The following DIMT1 variants were observed in gnomAD, a reference collection of about 807,000 sequenced individuals.
The protein encoded by DIMT1 is DIM1 rRNA methyltransferase and ribosome maturation factor, also known as dimethyladenosine transferase.
A neutral mutation model predicts 43.2 loss-of-function variants in DIMT1; 36 were observed. The observed-to-expected ratio is 0.83, with a 90% confidence interval of 0.64 to 1.10. The LOEUF is 1.10. DIMT1 is among the 50% of genes least tolerant of loss of function. DIMT1 has a pLI of 0.00. For missense variants in DIMT1, 341 were observed against 385.3 expected, an observed-to-expected ratio of 0.88 and a Z score of 0.96; for synonymous variants, 126 against 130.3, an observed-to-expected ratio of 0.97 and a Z score of 0.22.
At position 62,387,445 on chromosome 5, in the gene DIMT1, A is replaced by G. The variant is rs922545212; in HGVS notation, c.*1565T>C. On this transcript the variant is annotated 3_prime_UTR_variant, in exon 12 of 12. Coordinates refer to ENST00000199320, the MANE Select transcript of DIMT1 (RefSeq NM_014473.4). ...GCTTCAAATTTATTATTTGCATTGG[A>G]TGGGTACTGTCTTTGGAAAGTCTCC... 5 of 152,178 alleles carry G rather than the reference A, an allele frequency of 3.3e-5. No individual in the cohort carries two copies. Among genetic ancestry groups the G allele is most frequent in the African/African-American group, 9.7e-5 (4 of 41,442 alleles). The allele number at this position is 152,178 out of a possible 1,614,324, so 9.4% of individuals were successfully genotyped here.
rs372615052 is a variant in DIMT1, at chr5:62,393,214, AT to A, written c.664-225del. Among the ~76,000 whole-genome samples, 135 of 151,448 alleles carry A rather than the reference AT, an allele frequency of 8.9e-4. 2 individuals carry two copies. The highest frequency in any genetic ancestry group is 3.0e-3 in the African/African-American group (123 of 41,310). On this transcript the variant is annotated intron_variant, in intron 8 of 11. Coordinates refer to ENST00000199320, the MANE Select transcript of DIMT1 (RefSeq NM_014473.4). Reference sequence around the variant, plus strand: ...TCACTGAATATGTCTTTTCCTCAGAATTTTTTTTTGACAAAGCATGACAATT... The same window carrying A: ...TCACTGAATATGTCTTTTCCTCAGAATTTTTTTTGACAAAGCATGACAATT...
At chr5:62,403,205 C>T in intron 2 of DIMT1, 68 bp downstream of exon 2, 1 of 1,389,704 alleles carries the variant, frequency 7.2e-7, no homozygotes. Context: ...AGACTTTCTG[C>T]GCTTATGTAT....
chr5:62,402,460 G>C (rs1742741138), intron 2 of DIMT1, among the ~76,000 whole-genome samples: 1 of 152,128 alleles, frequency 6.6e-6, no homozygotes, highest in Non-Finnish European at 1.5e-5. Context: ...AGTTCAAATG[G>C]GAAAGGACTG....
At chr5:62,393,853 G>A in intron 8 of DIMT1, 102 bp downstream of exon 8, 1 of 978,346 alleles carries the variant, frequency 1.0e-6, no homozygotes, top group Non-Finnish European at 1.5e-6. Context: ...TCCTATGTTT[G>A]AATATTTAGG....
intron 1 of DIMT1, 134 bp downstream of exon 1, chr5:62,403,560 C>T: frequency 2.7e-6 from 3 of 1,120,622 alleles, no homozygotes; most frequent in Non-Finnish European, 3.8e-6. Context: ...GTCGGGGACC[C>T]ACCCCTGCCT....
chr5:62,391,883 AG>A, intron 10 of DIMT1: 1 of 1,529,104 alleles, frequency 6.5e-7, no homozygotes, highest in Non-Finnish European at 8.7e-7. Context: ...TACAGCTTTG[AG>A]GAACCTGTAA....
chr5:62,399,428 T>C (rs1321120122), intron 3 of DIMT1, among the ~76,000 whole-genome samples: 1 of 150,834 alleles, frequency 6.6e-6, no homozygotes, highest in Non-Finnish European at 1.5e-5. Flanking sequence ...ATCGCACCAT[T>C]GCACTCCAGC....
At chr5:62,392,814 C>T (rs572121315) in intron 9 of DIMT1, 112 bp downstream of exon 9, 1 of 612,362 alleles carries the variant, frequency 1.6e-6, no homozygotes, top group East Asian at 3.0e-5. Context: ...TGAAGTTTGT[C>T]TGGACCCATA....
rs757109196 is a variant in DIMT1 at position 62,392,201 on chromosome 5, GT to G, written c.761del (p.Asn254ThrfsTer12). On this transcript the variant is annotated frameshift_variant, in exon 10 of 12. Coordinates refer to ENST00000199320, the MANE Select transcript of DIMT1 (RefSeq NM_014473.4). LOFTEE classifies it high-confidence loss of function. ...TATGGACTGAACAGTGAATTCTGTA[GT>G]TTTTTTCCAAGAGTTGTTGCACTGC... ...SSAVQQLLEK[N>X]YRIHCSVHNI... 69 of 1,613,392 alleles carry G rather than the reference GT, an allele frequency of 4.3e-5. No homozygotes were observed. Among genetic ancestry groups the G allele is most frequent in the Non-Finnish European group, 5.6e-5 (66 of 1,179,714 alleles).
At chr5:62,393,906 G>T (rs543473710) in intron 8 of DIMT1, 49 bp downstream of exon 8, 75 of 1,528,218 alleles carry the variant, frequency 4.9e-5, no homozygotes, top group Admixed American at 8.6e-5. Flanking sequence ...ACATCTTCCC[G>T]CCTGGACTTT....
At chr5:62,396,837 G>A (rs1373376449) in intron 6 of DIMT1, among the ~76,000 whole-genome samples, 2 of 152,086 alleles carry the variant, frequency 1.3e-5, no homozygotes, top group East Asian at 1.9e-4. Context: ...GAGCCACTCC[G>A]TTTCTTGGTA....
chr5:62,403,768 G>A lies in DIMT1; in HGVS notation c.5C>T (p.Pro2Leu). The change falls in exon 1 of 12, where the codon CCG becomes CTG. Residue 2 changes from proline to leucine, a missense_variant. Coordinates refer to ENST00000199320, the MANE Select transcript of DIMT1 (RefSeq NM_014473.4). M[P>L]KVKSGAIGRR... ...GCCGATGGCCCCCGACTTGACCTTC[G>A]GCATCTCGGCAGAAAGCGGGCCCAC... 1 of 1,610,206 alleles carries A rather than the reference G, an allele frequency of 6.2e-7. No individual in the cohort carries two copies. Among genetic ancestry groups the A allele is most frequent in the Non-Finnish European group, 8.5e-7 (1 of 1,178,768 alleles).
Position 62,394,608 on chromosome 5 carries a change from C to G in DIMT1, c.447-1G>C. 6.2e-7 allele frequency: 1 copy of G among 1,613,596 alleles called. No individual in the cohort carries two copies. Among genetic ancestry groups the G allele is most frequent in the Non-Finnish European group, 8.5e-7 (1 of 1,179,896 alleles). On this transcript the variant is annotated splice_acceptor_variant, in intron 6 of 11. Coordinates refer to ENST00000199320, the MANE Select transcript of DIMT1 (RefSeq NM_014473.4). LOFTEE classifies it high-confidence loss of function. ...TCTTTGAAACATAAGTATAGCACAC[C>G]TGAAAAGAAAGCAGAAAGGAATAAG...
chr5:62,401,452 A>C (rs1265851191), intron 3 of DIMT1, among the ~76,000 whole-genome samples: 1 of 136,720 alleles, frequency 7.3e-6, no homozygotes, highest in Non-Finnish European at 1.5e-5. Context: ...CCAGGACTGC[A>C]TCTCTGCACT....
At chr5:62,391,999 G>A (rs769159944) in intron 10 of DIMT1, 172 bp downstream of exon 10, 32 of 1,543,374 alleles carry the variant, frequency 2.1e-5, no homozygotes, top group African/African-American at 4.1e-5. Context: ...ATACACAGCA[G>A]CACTGACCTG....
chr5:62,392,179 G>T lies in DIMT1; in HGVS notation c.784C>A (p.His262Asn). ...AACATTTTCTAACTTACAATATTAT[G>T]GACTGAACAGTGAATTCTGTAGTTT... ...EKNYRIHCSV[H>N]NIIIPEDFSI... The change falls in exon 10 of 12, where the codon CAT becomes AAT. Residue 262 changes from histidine to asparagine, a missense_variant. By Grantham distance (68) the His-to-Asn change is moderately conservative. Transcript: ENST00000199320. 1 of 1,613,264 alleles carries T rather than the reference G, an allele frequency of 6.2e-7. No homozygotes were observed. Among genetic ancestry groups the T allele is most frequent in the Non-Finnish European group, 8.5e-7 (1 of 1,179,544 alleles).
At chr5:62,389,082 C>T (rs1280384284) in intron 11 of DIMT1, 30 bp from the exon 12 acceptor site, 43 of 1,589,748 alleles carry the variant, frequency 2.7e-5, no homozygotes, top group Non-Finnish European at 3.4e-5. Flanking sequence ...TGGAATGGTA[C>T]TGAAAAGCTA....
intron 6 of DIMT1, 47 bp from the exon 7 acceptor site, chr5:62,394,654 A>G (rs986790566): frequency 1.2e-6 from 2 of 1,606,254 alleles, no homozygotes; most frequent in Non-Finnish European, 1.7e-6. Context: ...ATTGTCAACT[A>G]TAAATGAATT....
chr5:62,403,869 G>A lies in DIMT1; in HGVS notation c.-97C>T, dbSNP rs532792258. On this transcript the variant is annotated 5_prime_UTR_variant, in exon 1 of 12. Transcript: ENST00000199320. ...CACGTGGGGATCGCCGCCACGCGCC[G>A]CCCGCACCACTCTGGCCCAAGCGCC... is the stretch of plus-strand genomic sequence containing the variant. 1 of 1,324,486 alleles carries A rather than the reference G, an allele frequency of 7.6e-7. No individual in the cohort carries two copies. Among genetic ancestry groups the A allele is most frequent in the South Asian group, 1.3e-5 (1 of 75,064 alleles). The allele number at this position is 1,324,486 out of a possible 1,614,324, so 82.0% of individuals were successfully genotyped here.
Sources: gnomAD v4.1 joint callset for allele counts (sites outside exome capture counted in the v4.1 genomes callset) on GRCh38, gnomAD v4.1.1 for gene constraint, MANE v1.5 for transcripts, NCBI Gene and HGNC (gene_info 2026-07-23, HGNC 2026-07-21) for gene names.